RFX4: variants seen among roughly 807,000 people sequenced by gnomAD.
RFX4 encodes regulatory factor X4.
A neutral mutation model predicts 95.0 loss-of-function variants in RFX4; 10 were observed. The observed-to-expected ratio is 0.11, with a 90% CI of 0.06 to 0.18. The LOEUF is 0.18. Ranked by LOEUF, RFX4 falls within the 10% of genes least tolerant of loss-of-function variation. The probability of loss-of-function intolerance (pLI) is 1.00; values close to 1 mark genes in which losing one functional copy is unlikely to be tolerated. For missense variants in RFX4, 640 were observed against 922.0 expected (o/e 0.69, Z 3.96); for synonymous variants, 321 against 340.7 (o/e 0.94, Z 0.64).
chr12:106,597,916 G>A (rs188057396), intron 1 of RFX4, among the ~76,000 whole-genome samples: 1 of 152,182 alleles, frequency 6.6e-6, no homozygotes, highest in East Asian at 1.9e-4. Context: ...GAGGAAAAAG[G>A]GTGCCTCTGT....
chr12:106,708,873 T>C (rs1174267544), intron 8 of RFX4, among the ~76,000 whole-genome samples: 1 of 152,160 alleles, frequency 6.6e-6, no homozygotes, highest in Non-Finnish European at 1.5e-5. Flanking sequence ...AATTTAAAAA[T>C]ATGCTGTTGC....
At chr12:106,757,320 G>A (rs1263247469) in intron 17 of RFX4, among the ~76,000 whole-genome samples, 1 of 152,120 alleles carries the variant, frequency 6.6e-6, no homozygotes, top group Non-Finnish European at 1.5e-5. Context: ...AGTTCCAGTG[G>A]GATGACCGTT....
At chr12:106,619,334 G>A (rs969937144) in intron 2 of RFX4, among the ~76,000 whole-genome samples, 5 of 152,000 alleles carry the variant, frequency 3.3e-5, no homozygotes, top group African/African-American at 1.2e-4. Context: ...AGATATTTTT[G>A]CTGGTGATAA....
rs76255102 is a variant in RFX4, at chr12:106,691,088, C to A, written c.669+1724C>A. Among the ~76,000 whole-genome samples the A allele has an allele frequency of 6.4e-4, 97 of 152,290 alleles. 1 individual carries two copies. The East Asian group carries it at 0.018, about 28-fold the overall frequency. On this transcript the variant is annotated intron_variant, in intron 7 of 17. Coordinates refer to ENST00000392842, the MANE Select transcript of RFX4 (RefSeq NM_213594.3). ...TGAGAGGTCCAGAAACATTGAGGGGCAGATGCTGCTATGGAAAGAGTGCCA... is the reference window on the plus strand; with the variant it reads ...TGAGAGGTCCAGAAACATTGAGGGGAAGATGCTGCTATGGAAAGAGTGCCA...
At chr12:106,599,481 TGATGATGATGA>T (rs2039668380) in intron 1 of RFX4, among the ~76,000 whole-genome samples, 1 of 72,400 alleles carries the variant, frequency 1.4e-5, no homozygotes, top group Non-Finnish European at 2.8e-5. Context: ...GTGATGATGA[TGATGATGATGA>T]TGATGATGAT....
chr12:106,620,314 G>A (rs935051899), intron 2 of RFX4, among the ~76,000 whole-genome samples: 1 of 152,118 alleles, frequency 6.6e-6, no homozygotes, highest in African/African-American at 2.4e-5. Flanking sequence ...GGCTGGCTGA[G>A]AAATAAAGAG....
intron 4 of RFX4, among the ~76,000 whole-genome samples, chr12:106,674,481 C>A (rs1034704120): frequency 1.3e-5 from 2 of 152,072 alleles, no homozygotes; most frequent in Non-Finnish European, 2.9e-5. Flanking sequence ...CAGGCATGCA[C>A]CACCACGCCA....
chr12:106,679,254 T>C (rs2041455060), intron 4 of RFX4, among the ~76,000 whole-genome samples: 2 of 152,182 alleles, frequency 1.3e-5, no homozygotes, highest in Non-Finnish European at 2.9e-5. Flanking sequence ...GGTCAGGAGT[T>C]CGAGACCAGC....
chr12:106,747,301 CT>C, intron 15 of RFX4, 135 bp from the exon 16 acceptor site: 1 of 884,354 alleles, frequency 1.1e-6, no homozygotes, highest in East Asian at 2.5e-5. Flanking sequence ...CTCTGGTGAG[CT>C]CAGCAGAGTC....
intron 8 of RFX4, among the ~76,000 whole-genome samples, chr12:106,699,899 T>C (rs987679827): frequency 6.6e-6 from 1 of 151,800 alleles, no homozygotes; most frequent in Non-Finnish European, 1.5e-5. Context: ...AAATATATGG[T>C]TCAATTAAGA....
intron 1 of RFX4, among the ~76,000 whole-genome samples, chr12:106,604,841 A>G (rs1194795853): frequency 6.6e-6 from 1 of 152,274 alleles, no homozygotes; most frequent in Non-Finnish European, 1.5e-5. Context: ...AAGTTCGAAT[A>G]CAAAGCAGAC....
chr12:106,666,699 A>T (rs753850229), intron 4 of RFX4, among the ~76,000 whole-genome samples: 1 of 152,218 alleles, frequency 6.6e-6, no homozygotes, highest in Non-Finnish European at 1.5e-5. Flanking sequence ...CTGCAAATCC[A>T]TCAAAGTCAC....
chr12:106,711,576 C>A, intron 10 of RFX4, 65 bp downstream of exon 10: 3 of 1,320,500 alleles, frequency 2.3e-6, no homozygotes, highest in Non-Finnish European at 3.3e-6. Flanking sequence ...GGCAAATCCA[C>A]AAAAACAACC....
chr12:106,606,485 C>T, intron 1 of RFX4, among the ~76,000 whole-genome samples: 1 of 152,106 alleles, frequency 6.6e-6, no homozygotes, highest in Non-Finnish European at 1.5e-5. Flanking sequence ...TCTGGAGAAT[C>T]CTGAAAAGAA....
rs546739592 is a variant in RFX4, at chr12:106,709,140, C to T, written c.834-190C>T. Among the ~76,000 whole-genome samples the T allele has an allele frequency of 7.9e-4, 119 of 151,504 alleles. No individual in the cohort carries two copies. In the South Asian group the frequency reaches 0.024, roughly 31 times the overall value. On this transcript the variant is annotated intron_variant, in intron 8 of 17. Transcript: ENST00000392842. ...AGTGACCAGCAGAGTACATTCTATT[C>T]GTGCCCTTCCCAGACCCACCGGCTC...
chr12:106,711,440 T>C lies in RFX4; in HGVS notation c.935-13T>C. ...CATGCAAATATTTCAAACTAATTCT[T>C]TTCTCCTTGCAGTGTCGAGAAGGTT... On this transcript the variant is annotated splice_polypyrimidine_tract_variant and intron_variant, in intron 9 of 17. Transcript: ENST00000392842. 1 of 1,611,688 alleles carries C rather than the reference T, an allele frequency of 6.2e-7. No individual in the cohort carries two copies. The highest frequency in any genetic ancestry group is 8.5e-7 in the Non-Finnish European group (1 of 1,177,788).
intron 5 of RFX4, chr12:106,683,485 A>C (rs915286615): frequency 6.7e-5 from 10 of 149,826 alleles, no homozygotes; most frequent in Non-Finnish European, 1.3e-4. Flanking sequence ...AAAAAAAAAA[A>C]AAAAAAAAAA....
chr12:106,612,921 T>C (rs562395901), intron 2 of RFX4, among the ~76,000 whole-genome samples: 2 of 152,300 alleles, frequency 1.3e-5, no homozygotes, highest in South Asian at 4.2e-4. Context: ...TTATTTCTTT[T>C]TCTTGCCAAA....
intron 4 of RFX4, among the ~76,000 whole-genome samples, chr12:106,674,573 G>C (rs1346665347): frequency 6.6e-6 from 1 of 151,506 alleles, no homozygotes; most frequent in African/African-American, 2.4e-5. Context: ...TTAGTGATCT[G>C]CCTGCCTCAC....
Sources: allele counts gnomAD v4.1 joint callset (sites outside exome capture counted in the v4.1 genomes callset), GRCh38; gene constraint gnomAD v4.1.1; transcripts MANE v1.5; gene names NCBI Gene and HGNC (gene_info 2026-07-23, HGNC 2026-07-21).